UBQLN4: variants seen among roughly 807,000 people sequenced by gnomAD.
The protein encoded by UBQLN4 is ubiquilin 4.
A neutral mutation model predicts 60.4 loss-of-function variants in UBQLN4; 11 were observed. The observed-to-expected ratio is 0.18, with a 90% CI of 0.11 to 0.30. The LOEUF is 0.30. UBQLN4 is among the 10% of genes least tolerant of loss of function. The pLI is 1.00. For synonymous variants in UBQLN4, 258 were observed against 313.1 expected (o/e 0.82, Z 1.86); for missense variants, 417 against 795.5 (o/e 0.52, Z 5.72).
At position 156,050,272 on chromosome 1, in the gene UBQLN4, C is replaced by G. The variant is rs1445788192; in HGVS notation, c.741+19G>C. 1 of 1,542,940 alleles carries G rather than the reference C, an allele frequency of 6.5e-7. No homozygotes were observed. Among genetic ancestry groups the G allele is most frequent in the African/African-American group, 1.4e-5 (1 of 73,418 alleles). On this transcript the variant is annotated intron_variant, in intron 4 of 10. Transcript: ENST00000368309. This position sits in a 1 kb window ranked among gnomAD's most constrained non-coding sequence, Gnocchi z 4.6. ...CTGGGCACCAGTGTCCTCCAGCTCT[C>G]CAGCCCTCTCATACTCACCTGCCTC... is the stretch of plus-strand genomic sequence containing the variant.
At chr1:156,041,291 T>TTACTC (rs1317313752) in intron 10 of UBQLN4, among the ~76,000 whole-genome samples, 194 bp downstream of exon 10, 1 of 152,178 alleles carries the variant, frequency 6.6e-6, no homozygotes, top group African/African-American at 2.4e-5. Flanking sequence ...GTAAGTACCA[T>TTACTC]TACTCTTCTC....
chr1:156,035,844 G>A lies in UBQLN4; in HGVS notation c.*1134C>T, dbSNP rs1489333758. 1 of 985,316 alleles carries A rather than the reference G, an allele frequency of 1.0e-6. No individual in the cohort carries two copies. Among genetic ancestry groups the A allele is most frequent in the African/African-American group, 1.7e-5 (1 of 57,186 alleles). 61.0% of individuals were successfully genotyped at this position (985,316 alleles called of 1,614,324 possible). A position where few individuals can be genotyped will look rare whatever the true frequency, so the allele number is the denominator to read the frequency against. On this transcript the variant is annotated 3_prime_UTR_variant, in exon 11 of 11. Coordinates refer to ENST00000368309, the MANE Select transcript of UBQLN4 (RefSeq NM_020131.5). ...TACCCACTTGTCTCTGGTGGTGGGAGAGCACTCTGAACCAGAAACCAACAA... is the reference window on the plus strand; with the variant it reads ...TACCCACTTGTCTCTGGTGGTGGGAAAGCACTCTGAACCAGAAACCAACAA...
At chr1:156,034,129 G>A (rs1164224836), downstream of UBQLN4, among the ~76,000 whole-genome samples, 2 of 151,414 alleles carry the variant, frequency 1.3e-5, no homozygotes, top group African/African-American at 4.9e-5. Flanking sequence ...ATGTTCCACA[G>A]AACCGTAGTC....
chr1:156,033,889 A>C (rs1268841777), downstream of UBQLN4, among the ~76,000 whole-genome samples: 1 of 151,776 alleles, frequency 6.6e-6, no homozygotes, highest in Non-Finnish European at 1.5e-5. Context: ...AAACAAAAAA[A>C]ACCACAGCTC....
At chr1:156,033,202 C>A, downstream of UBQLN4, 3 of 985,362 alleles carry the variant, frequency 3.0e-6, no homozygotes, top group Non-Finnish European at 3.6e-6. Flanking sequence ...AGGAGGAGCC[C>A]GGGTGAGACT....
chr1:156,038,812 C>T (rs867991617), intron 10 of UBQLN4, among the ~76,000 whole-genome samples: 11 of 133,120 alleles, frequency 8.3e-5, no homozygotes, highest in East Asian at 2.2e-4. Flanking sequence ...AGGTCTTCTT[C>T]TTTTTTTTTT....
In UBQLN4 at chr1:156,037,370, C is replaced by CG. The variant is rs576861785; in HGVS notation, c.1654-241dup. On this transcript the variant is annotated intron_variant, in intron 10 of 10. Transcript: ENST00000368309. ...CAGCACTTTAGGAGGCTGAGGCGGG[C>CG]GGATCACGAGGTCAGAAGATCGAGA... 1.6e-3 allele frequency among the ~76,000 whole-genome samples: 245 copies of CG among 152,052 alleles called. 3 individuals are homozygous for CG. Among genetic ancestry groups the CG allele is most frequent in the South Asian group, 0.015 (72 of 4,804 alleles).
chr1:156,044,086 A>T lies in UBQLN4; in HGVS notation c.1038T>A (p.Gly346=). 3.1e-6 allele frequency: 5 copies of T among 1,594,646 alleles called. No homozygotes were observed. Among genetic ancestry groups the T allele is most frequent in the Non-Finnish European group, 4.3e-6 (5 of 1,170,320 alleles). The change falls in exon 6 of 11, where the codon GGT becomes GGA. Residue 346 remains glycine (G), a synonymous_variant. Transcript: ENST00000368309. The stretch of plus-strand genomic sequence containing the variant: ...TCCCCGATCCTCCGGTGCCCTCCCC[A>T]CCGGACCCGGGGGCCTGGGAGGTGG... ...SPPTSQAPGS[G]GEGTGGSGTS...
chr1:156,044,377 C>A (rs1051117297), intron 5 of UBQLN4, among the ~76,000 whole-genome samples, 154 bp from the exon 6 acceptor site: 3 of 152,174 alleles, frequency 2.0e-5, no homozygotes, highest in Non-Finnish European at 4.4e-5. Flanking sequence ...CTTTGCCCCA[C>A]AATGGATAGC....
At chr1:156,033,124 A>G (rs1222072236), downstream of UBQLN4, 1 of 826,544 alleles carries the variant, frequency 1.2e-6, no homozygotes, top group African/African-American at 1.8e-5. Context: ...TTTTGCCAAT[A>G]CTTATGTAGC....
At position 156,048,566 on chromosome 1, in the gene UBQLN4, A is replaced by C; in HGVS notation, c.835T>G (p.Tyr279Asp). 6.2e-7 allele frequency: 1 copy of C among 1,613,482 alleles called. No homozygotes were observed. The highest frequency in any genetic ancestry group is 8.5e-7 in the Non-Finnish European group (1 of 1,179,714). ...GTGTACATGCGGCGGAGGGCATTAT[A>C]CCCTCCAGGGATGCTCTCAAGGTTG... The part of the protein sequence containing the change: ...LSNLESIPGG[Y>D]NALRRMYTDI... Residue 279 changes from tyrosine to aspartate, a missense_variant, in exon 5 of 11, where the codon TAT (tyrosine) becomes GAT (aspartate). Tyr to Asp is a radical substitution (Grantham distance 160). Transcript: ENST00000368309. The surrounding 1 kb of genome is among the most constrained non-coding windows in gnomAD (Gnocchi z 4.9).
In UBQLN4 at chr1:156,041,940, C is replaced by T. The variant is rs1463591970; in HGVS notation, c.1398G>A (p.Met466Ile). The change falls in exon 9 of 11, where the codon ATG becomes ATA. Residue 466 changes from methionine to isoleucine, a missense_variant. Physicochemically the swap from Met to Ile is conservative, Grantham distance 10. Coordinates refer to ENST00000368309, the MANE Select transcript of UBQLN4 (RefSeq NM_020131.5). Reference sequence around the variant, plus strand: ...CCTGCTGGATCTGCAGCAATGCCTGCATGGCTCGGGGATTGGTAAGGATGG... The same window carrying T: ...CCTGCTGGATCTGCAGCAATGCCTGTATGGCTCGGGGATTGGTAAGGATGG... ...SLSILTNPRA[M>I]QALLQIQQGL... 6 of 1,613,970 alleles carry T rather than the reference C, an allele frequency of 3.7e-6. No homozygotes were observed. The highest frequency in any genetic ancestry group is 1.3e-5 in the African/African-American group (1 of 74,924).
chr1:156,050,527 C>T lies in UBQLN4; in HGVS notation c.505G>A (p.Gly169Ser). ...TTGGCAGAGCCCAGGCCTAGGCTGCCCAGCCCCAGGATGCCCCCAAAGCCA... is the reference window on the plus strand; with the variant it reads ...TTGGCAGAGCCCAGGCCTAGGCTGCTCAGCCCCAGGATGCCCCCAAAGCCA... ...LSGFGGILGL[G>S]SLGLGSANFM... Residue 169 changes from glycine to serine, a missense_variant, in exon 4 of 11, where the codon GGC becomes AGC. Coordinates refer to ENST00000368309, the MANE Select transcript of UBQLN4 (RefSeq NM_020131.5). The surrounding 1 kb of genome is among the most constrained non-coding windows in gnomAD (Gnocchi z 4.6). 2.5e-6 allele frequency: 4 copies of T among 1,612,684 alleles called. No homozygotes were observed. Among genetic ancestry groups the T allele is most frequent in the Non-Finnish European group, 1.7e-6 (2 of 1,179,206 alleles).
At chr1:156,031,652 C>T (rs1683299120), downstream of UBQLN4, among the ~76,000 whole-genome samples, 4 of 150,364 alleles carry the variant, frequency 2.7e-5, no homozygotes, top group Admixed American at 1.3e-4. Context: ...GATCTCAGCT[C>T]ACTGCAACCT....
chr1:156,041,435 C>G (rs1683559675), intron 10 of UBQLN4, 50 bp downstream of exon 10: 3 of 1,473,828 alleles, frequency 2.0e-6, no homozygotes, highest in Non-Finnish European at 2.7e-6. Context: ...CTTGAAACCT[C>G]CCAGGATCAA....
intron 10 of UBQLN4, among the ~76,000 whole-genome samples, chr1:156,037,358 G>A (rs1161772201): frequency 6.6e-6 from 1 of 152,166 alleles, no homozygotes; most frequent in Non-Finnish European, 1.5e-5. Flanking sequence ...CACTTTAGGA[G>A]GCTGAGGCGG....
In UBQLN4 at chr1:156,035,506, A is replaced by G; in HGVS notation, c.*1472T>C. The G allele has an allele frequency of 1.0e-6, 1 of 985,476 alleles. No individual in the cohort carries two copies. Among genetic ancestry groups the G allele is most frequent in the African/African-American group, 1.7e-5 (1 of 57,348 alleles). 61.0% of individuals were successfully genotyped at this position (985,476 alleles called of 1,614,324 possible). ...CCAAGTAGGAGAGGGAAGAGGTGAT[A>G]TGAGCCTCCTCTGTGCTCTGACAGA... is the stretch of plus-strand genomic sequence containing the variant. On this transcript the variant is annotated 3_prime_UTR_variant, in exon 11 of 11. Transcript: ENST00000368309.
At chr1:156,051,063 A>G (rs777542631) in intron 3 of UBQLN4, 47 bp downstream of exon 3, 3 of 1,581,782 alleles carry the variant, frequency 1.9e-6, no homozygotes, top group Non-Finnish European at 2.6e-6. Flanking sequence ...GCTTTCCCCA[A>G]CTCCCCAACC....
In UBQLN4 at chr1:156,044,031, G is replaced by C; in HGVS notation, c.1093C>G (p.Pro365Ala). Residue 365 changes from proline to alanine, a missense_variant, in exon 6 of 11, where the codon CCC becomes GCC. By Grantham distance (27) the Pro-to-Ala change is conservative (BLOSUM62 -1). Coordinates refer to ENST00000368309, the MANE Select transcript of UBQLN4 (RefSeq NM_020131.5). ...AGGCTAGCCGCATTGATCCCAAAGG[G>C]GTTCGAGACTGTCGGGTGCACCTGG... The part of the protein sequence containing the change: ...TSQVHPTVSN[P>A]FGINAASLGS... 1 of 1,611,902 alleles carries C rather than the reference G, an allele frequency of 6.2e-7. No individual in the cohort carries two copies. The highest frequency in any genetic ancestry group is 8.5e-7 in the Non-Finnish European group (1 of 1,178,774).
Sources: gnomAD v4.1 joint callset for allele counts (sites outside exome capture counted in the v4.1 genomes callset) on GRCh38, gnomAD v4.1.1 for gene constraint, Gnocchi (gnomAD v3.1) non-coding constraint, MANE v1.5 for transcripts, NCBI Gene and HGNC (gene_info 2026-07-23, HGNC 2026-07-21) for gene names.